Variants in RAD52 observed in about 807,000 individuals in gnomAD.
The protein encoded by RAD52 is DNA repair protein RAD52 homolog.
Under a neutral mutation model 55.5 loss-of-function variants are expected in RAD52, and 47 were observed. The observed-to-expected ratio is 0.85, with a 90% CI of 0.67 to 1.08. The LOEUF is 1.08. Among genes scored for constraint, RAD52 ranks in the 50% least tolerant of loss-of-function variants. The pLI, the probability that RAD52 is intolerant of heterozygous loss-of-function variation, is 0.00. For synonymous variants in RAD52, 184 were observed against 198.9 expected, an observed-to-expected ratio of 0.92 and a Z score of 0.63; for missense variants, 468 against 522.8, an observed-to-expected ratio of 0.90 and a Z score of 1.02.
chr12:946,729 T>C (rs190015403), intron 1 of RAD52, among the ~76,000 whole-genome samples: 178 of 152,238 alleles, frequency 1.2e-3, no homozygotes, highest in African/African-American at 4.2e-3. Flanking sequence ...TATGAACAGT[T>C]TTAGAGCTGA....
At chr12:943,095 A>G (rs1042703469) in intron 1 of RAD52, among the ~76,000 whole-genome samples, 2 of 152,236 alleles carry the variant, frequency 1.3e-5, no homozygotes, top group East Asian at 1.9e-4. Context: ...AAACACCATT[A>G]GTGACTGAGG....
At chr12:947,087 G>T (rs1373635826) in intron 1 of RAD52, among the ~76,000 whole-genome samples, 1 of 152,212 alleles carries the variant, frequency 6.6e-6, no homozygotes, top group African/African-American at 2.4e-5. Flanking sequence ...AACACTTTGG[G>T]AGGCCAAGGC....
chr12:939,068 G>GTA (rs1957782210), intron 1 of RAD52, among the ~76,000 whole-genome samples: 1 of 121,904 alleles, frequency 8.2e-6, no homozygotes, highest in Non-Finnish European at 1.8e-5. Flanking sequence ...GTGTGTGTGT[G>GTA]TGTGTGTGTG....
upstream of RAD52, among the ~76,000 whole-genome samples, chr12:950,067 C>T (rs938658207): frequency 2.0e-5 from 3 of 152,304 alleles, no homozygotes; most frequent in South Asian, 2.1e-4. Flanking sequence ...GCGGGGCCCG[C>T]CCACCCATGC....
intron 1 of RAD52, chr12:936,819 ATCT>A (rs1284927948): frequency 1.3e-5 from 2 of 152,224 alleles, no homozygotes; most frequent in African/African-American, 4.8e-5. Flanking sequence ...AGCACTTCAA[ATCT>A]TCTTGGCCTT....
At chr12:929,663 G>A (rs1445484306) in intron 5 of RAD52, 156 bp downstream of exon 5, 5 of 811,872 alleles carry the variant, frequency 6.2e-6, no homozygotes, top group African/African-American at 5.0e-5. Flanking sequence ...GGGAGCACAT[G>A]AGCAAGAGTA....
In RAD52 at chr12:919,822, G is replaced by A. The variant is rs1385172092; in HGVS notation, c.544-3002C>T. Among the ~76,000 whole-genome samples the A allele has an allele frequency of 1.7e-5, 2 of 117,980 alleles. 1 individual carries two copies. The highest frequency in any genetic ancestry group is 3.6e-5 in the Non-Finnish European group (2 of 55,540). 77.4% of individuals were successfully genotyped at this position (117,980 alleles called of 152,430 possible). A position where few individuals can be genotyped will look rare whatever the true frequency, so the allele number is the denominator to read the frequency against. On this transcript the variant is annotated intron_variant, in intron 7 of 11. Coordinates refer to ENST00000358495, the MANE Select transcript of RAD52 (RefSeq NM_134424.4). ...AATCCCAACACCTTGGGAGGCCGAG[G>A]TGGGCGGATCATCTGAGGTTAAGAG...
At position 912,021 on chromosome 12, in the gene RAD52, CT is replaced by C. The variant is rs200952154; in HGVS notation, c.*1369del. ...CCTGCGCTACAGAGCCAGACCCCCC[CT>C]CTCAAAAAAAAAGTTGTTAAACTGC... On this transcript the variant is annotated 3_prime_UTR_variant, in exon 12 of 12. Transcript: ENST00000358495. 16 of 193,932 alleles carry C rather than the reference CT, an allele frequency of 8.3e-5. No homozygotes were observed. Among genetic ancestry groups the C allele is most frequent in the African/African-American group, 1.4e-4 (6 of 41,880 alleles). The allele number at this position is 193,932 out of a possible 1,614,324, so 12.0% of individuals were successfully genotyped here. A position where few individuals can be genotyped will look rare whatever the true frequency, so the allele number is the denominator to read the frequency against.
chr12:934,270 C>T (rs922554701), intron 1 of RAD52, among the ~76,000 whole-genome samples: 3 of 151,846 alleles, frequency 2.0e-5, no homozygotes, highest in Non-Finnish European at 4.4e-5. Context: ...AGTTTGAGAC[C>T]AGCCTGGCCA....
At chr12:929,229 G>A (rs1024912939) in intron 5 of RAD52, among the ~76,000 whole-genome samples, 2 of 151,972 alleles carry the variant, frequency 1.3e-5, no homozygotes, top group Admixed American at 6.6e-5. Context: ...AGAAATATGA[G>A]TTCAGATAAA....
At chr12:914,247 T>C in intron 10 of RAD52, 126 bp from the exon 11 acceptor site, 3 of 1,280,298 alleles carry the variant, frequency 2.3e-6, no homozygotes, top group Non-Finnish European at 3.2e-6. Flanking sequence ...GGAATTTCTC[T>C]CCCCTCCCCC....
In RAD52 at chr12:911,926, G is replaced by C. The variant is rs1402242641; in HGVS notation, c.*1465C>G. Among the ~76,000 whole-genome samples, 1 of 152,112 alleles carries C rather than the reference G, an allele frequency of 6.6e-6. No individual in the cohort carries two copies. The highest frequency in any genetic ancestry group is 1.5e-5 in the Non-Finnish European group (1 of 68,042). Reference sequence around the variant, plus strand: ...TAATCCCAGCTACTCGGGAGCCTGAGGCAGGAGAATTGCTTGAATCCTGGC... The same window carrying C: ...TAATCCCAGCTACTCGGGAGCCTGACGCAGGAGAATTGCTTGAATCCTGGC... On this transcript the variant is annotated 3_prime_UTR_variant, in exon 12 of 12. Coordinates refer to ENST00000358495, the MANE Select transcript of RAD52 (RefSeq NM_134424.4).
intron 1 of RAD52, among the ~76,000 whole-genome samples, chr12:939,341 G>A (rs957025782): frequency 4.6e-5 from 7 of 151,678 alleles, no homozygotes; most frequent in East Asian, 3.9e-4. Context: ...GTAGAGACAC[G>A]GGTCTCACTA....
At chr12:957,586 G>T (rs1442835902) in intron 1 of RAD52, among the ~76,000 whole-genome samples, 1 of 151,768 alleles carries the variant, frequency 6.6e-6, no homozygotes, top group Non-Finnish European at 1.5e-5. Context: ...AGGAGTTCGA[G>T]ATCATCCTGG....
chr12:986,698 T>TA (rs1243937422), intron 1 of RAD52, among the ~76,000 whole-genome samples: 3 of 151,880 alleles, frequency 2.0e-5, no homozygotes, highest in Admixed American at 6.6e-5. Context: ...GCTTCATTAA[T>TA]AGGTTGGGTG....
intron 1 of RAD52, among the ~76,000 whole-genome samples, chr12:962,171 T>A (rs976885189): frequency 6.6e-6 from 1 of 152,154 alleles, no homozygotes; most frequent in South Asian, 2.1e-4. Flanking sequence ...AATGGTCTAC[T>A]GTGTAGGACA....
At chr12:965,240 G>C (rs1197640523) in intron 1 of RAD52, among the ~76,000 whole-genome samples, 1 of 152,008 alleles carries the variant, frequency 6.6e-6, no homozygotes, top group Non-Finnish European at 1.5e-5. Context: ...GACTCCCAAA[G>C]TGCTGGGATT....
chr12:973,482 GA>G (rs934018756), intron 1 of RAD52, among the ~76,000 whole-genome samples: 25 of 150,698 alleles, frequency 1.7e-4, no homozygotes, highest in Non-Finnish European at 3.0e-5. Context: ...GATCTGACAG[GA>G]TTTTTTTTTT....
At chr12:988,747 T>C (rs1446371065) in intron 1 of RAD52, among the ~76,000 whole-genome samples, 5 of 152,140 alleles carry the variant, frequency 3.3e-5, no homozygotes, top group Non-Finnish European at 7.3e-5. Flanking sequence ...AACAAATCCA[T>C]TCTCCTGATA....
Sources: gnomAD v4.1 joint callset for allele counts (sites outside exome capture counted in the v4.1 genomes callset) on GRCh38, gnomAD v4.1.1 for gene constraint, MANE v1.5 for transcripts, NCBI Gene and HGNC (gene_info 2026-07-23, HGNC 2026-07-21) for gene names.